Variants in PLEKHH2 observed in about 807,000 individuals in gnomAD.
PLEKHH2 encodes the protein pleckstrin homology, MyTH4 and FERM domain containing H2.
In PLEKHH2, 129 loss-of-function variants were observed where a neutral mutation model predicts 187.9. The ratio of observed to expected loss-of-function variants is 0.69; its 90% confidence interval spans 0.59 to 0.79. The LOEUF is 0.79. PLEKHH2 is among the 30% of genes least tolerant of loss of function. PLEKHH2 has a pLI of 0.00. For missense variants in PLEKHH2, 2,076 were observed against 1,751.2 expected, an observed-to-expected ratio of 1.19 and a Z score of -3.31; for synonymous variants, 686 against 605.6, an observed-to-expected ratio of 1.13 and a Z score of -1.95.
intron 2 of PLEKHH2, among the ~76,000 whole-genome samples, chr2:43,646,885 A>G (rs1666209165): frequency 6.6e-6 from 1 of 151,040 alleles, no homozygotes; most frequent in Admixed American, 6.6e-5. Context: ...TAAGAGATGG[A>G]ATTATTCTGA....
chr2:43,745,356 A>G (rs1467264283), intron 23 of PLEKHH2, among the ~76,000 whole-genome samples: 1 of 152,134 alleles, frequency 6.6e-6, no homozygotes, highest in East Asian at 1.9e-4. Flanking sequence ...ACAGAACCAC[A>G]AGGGACCTTA....
chr2:43,671,107 C>G (rs979393277), intron 2 of PLEKHH2, among the ~76,000 whole-genome samples: 1 of 151,982 alleles, frequency 6.6e-6, no homozygotes, highest in Non-Finnish European at 1.5e-5. Flanking sequence ...CCTCTGCCCC[C>G]CACTGAGTAG....
At chr2:43,662,409 G>A (rs1667067275) in intron 2 of PLEKHH2, among the ~76,000 whole-genome samples, 1 of 7,102 alleles carries the variant, frequency 1.4e-4, no homozygotes, top group African/African-American at 8.4e-4. Flanking sequence ...CAATCATGTC[G>A]TCTGCAGACA....
intron 2 of PLEKHH2, among the ~76,000 whole-genome samples, chr2:43,649,182 G>A (rs1423138363): frequency 6.6e-6 from 1 of 152,130 alleles, no homozygotes; most frequent in Admixed American, 6.5e-5. Flanking sequence ...AAGGAATGGT[G>A]TTGGAAATAT....
chr2:43,761,674 G>T (rs1364391611), intron 27 of PLEKHH2, among the ~76,000 whole-genome samples: 1 of 151,992 alleles, frequency 6.6e-6, no homozygotes, highest in Non-Finnish European at 1.5e-5. Context: ...GCTTCCCAAG[G>T]TGCTAGGATT....
chr2:43,762,044 G>T (rs1474327517), intron 27 of PLEKHH2, among the ~76,000 whole-genome samples: 1 of 152,084 alleles, frequency 6.6e-6, no homozygotes, highest in African/African-American at 2.4e-5. Context: ...AGGAAATTGA[G>T]CCTCAAACAG....
chr2:43,724,987 T>C (rs1379486118), intron 16 of PLEKHH2, among the ~76,000 whole-genome samples: 2 of 152,138 alleles, frequency 1.3e-5, no homozygotes, highest in African/African-American at 2.4e-5. Context: ...GTTTAGTAGA[T>C]AGTGCAAAAG....
chr2:43,750,866 C>T (rs539018365), intron 24 of PLEKHH2, among the ~76,000 whole-genome samples: 2 of 152,016 alleles, frequency 1.3e-5, no homozygotes, highest in Non-Finnish European at 2.9e-5. Flanking sequence ...ATAGAGTTTC[C>T]TTGCCCTTTA....
chr2:43,717,208 A>G (rs1177596030), intron 15 of PLEKHH2, among the ~76,000 whole-genome samples: 1 of 152,236 alleles, frequency 6.6e-6, no homozygotes, highest in Non-Finnish European at 1.5e-5. Flanking sequence ...ACCTGAGGTC[A>G]GAAGTTTGAG....
chr2:43,689,027 A>T (rs747648399), intron 3 of PLEKHH2, among the ~76,000 whole-genome samples: 2 of 152,210 alleles, frequency 1.3e-5, no homozygotes, highest in South Asian at 2.1e-4. Context: ...GGCACTCACC[A>T]TAAGTCAGAC....
At position 43,764,511 on chromosome 2, in the gene PLEKHH2, T is replaced by C. The variant is rs1299398540; in HGVS notation, c.4296+146T>C. The C allele has an allele frequency of 8.6e-6, 7 of 810,260 alleles. No homozygotes were observed. In the African/African-American group the frequency reaches 1.1e-4, roughly 13 times the overall value. The allele number at this position is 810,260 out of a possible 1,614,324, so 50.2% of individuals were successfully genotyped here. On this transcript the variant is annotated intron_variant, in intron 29 of 29. Transcript: ENST00000282406. ...ATTCCAGATGGGAAAACAGACGTTA[T>C]TTATAGTCAAACAAACATGGGTCCA...
At chr2:43,760,654 C>T (rs191519632) in intron 27 of PLEKHH2, among the ~76,000 whole-genome samples, 20 of 152,312 alleles carry the variant, frequency 1.3e-4, no homozygotes, top group Admixed American at 2.0e-4. Context: ...TGAGCCACCG[C>T]ATCTGGCCCA....
intron 2 of PLEKHH2, among the ~76,000 whole-genome samples, chr2:43,655,518 A>T (rs550656557): frequency 6.6e-6 from 1 of 152,354 alleles, no homozygotes; most frequent in Admixed American, 6.5e-5. Context: ...AAATTTAGGT[A>T]ATTATGTATC....
Position 43,653,959 on chromosome 2 carries a change from C to T in PLEKHH2, c.123+9163C>T, listed in dbSNP as rs565625636. ...GATTTAACCAAAGGTAAGATATAAA[C>T]ATATTGGGAGAATGGGAGATAGGAA... is the stretch of plus-strand genomic sequence containing the variant. On this transcript the variant is annotated intron_variant, in intron 2 of 29. Transcript: ENST00000282406. Among the ~76,000 whole-genome samples, 6 of 152,166 alleles carry T rather than the reference C, an allele frequency of 3.9e-5. No homozygotes were observed. The East Asian group carries it at 9.7e-4, about 24-fold the overall frequency.
intron 21 of PLEKHH2, among the ~76,000 whole-genome samples, chr2:43,741,772 C>G (rs772266734): frequency 1.3e-5 from 2 of 152,226 alleles, no homozygotes; most frequent in East Asian, 1.9e-4. Context: ...TGAGGAGCCC[C>G]GAGACCAAGG....
Position 43,765,273 on chromosome 2 carries a change from C to T in PLEKHH2, c.4297-140C>T, listed in dbSNP as rs908815966. 5 of 716,902 alleles carry T rather than the reference C, an allele frequency of 7.0e-6. No individual in the cohort carries two copies. The South Asian group carries it at 8.1e-5, about 12-fold the overall frequency. The allele number at this position is 716,902 out of a possible 1,614,324, so 44.4% of individuals were successfully genotyped here. A position where few individuals can be genotyped will look rare whatever the true frequency, so the allele number is the denominator to read the frequency against. On this transcript the variant is annotated intron_variant, in intron 29 of 29. Transcript: ENST00000282406. The stretch of plus-strand genomic sequence containing the variant: ...GATGGTGCTGGACATGTAAGCACTT[C>T]ATTGTTTGATCTAGAGAGAAGGGAA...
At position 43,707,405 on chromosome 2, in the gene PLEKHH2, C is replaced by T. The variant is rs758831085; in HGVS notation, c.1826C>T (p.Ala609Val). ...TPVYTTLKGK[A>V]TQISSSPFLD... ...GGTTGTTCCACTTTTCTTTAGAAGGCGACCCAAATAAGTAGCAGCCCTTTC... is the reference window on the plus strand; with the variant it reads ...GGTTGTTCCACTTTTCTTTAGAAGGTGACCCAAATAAGTAGCAGCCCTTTC... The change falls in exon 11 of 30, where the codon GCG becomes GTG. Residue 609 changes from alanine to valine, a missense_variant. Coordinates refer to ENST00000282406, the MANE Select transcript of PLEKHH2 (RefSeq NM_172069.4). The T allele has an allele frequency of 5.6e-6, 9 of 1,613,682 alleles. No individual in the cohort carries two copies. Among genetic ancestry groups the T allele is most frequent in the East Asian group, 2.2e-5 (1 of 44,882 alleles).
intron 1 of PLEKHH2, among the ~76,000 whole-genome samples, chr2:43,640,671 A>G (rs1665858042): frequency 6.6e-6 from 1 of 152,054 alleles, no homozygotes; most frequent in Non-Finnish European, 1.5e-5. Context: ...TGTGACTTTG[A>G]TTTGCATTTT....
intron 2 of PLEKHH2, among the ~76,000 whole-genome samples, chr2:43,654,130 A>C (rs1666623453): frequency 6.6e-6 from 1 of 152,224 alleles, no homozygotes; most frequent in South Asian, 2.1e-4. Flanking sequence ...TATTAAAAGA[A>C]TTGGCTAAAA....
Sources: allele counts gnomAD v4.1 joint callset (sites outside exome capture counted in the v4.1 genomes callset), GRCh38; gene constraint gnomAD v4.1.1; transcripts MANE v1.5; gene names NCBI Gene and HGNC (gene_info 2026-07-23, HGNC 2026-07-21).